Variants in PDE10A observed in about 807,000 individuals in gnomAD.
PDE10A encodes the protein phosphodiesterase 10A.
Under a neutral mutation model 97.7 loss-of-function variants are expected in PDE10A, and 39 were observed. The ratio of observed to expected loss-of-function variants is 0.40; its 90% CI spans 0.31 to 0.52. The LOEUF is 0.52. Ranked by LOEUF, PDE10A falls within the 20% of genes least tolerant of loss-of-function variation. The pLI is 0.56. For missense variants in PDE10A, 731 were observed against 1,047.8 expected, an observed-to-expected ratio of 0.70 and a Z score of 4.17; for synonymous variants, 371 against 376.8, an observed-to-expected ratio of 0.98 and a Z score of 0.18.
chr6:165,416,951 C>T (rs1461829587), intron 11 of PDE10A, among the ~76,000 whole-genome samples: 1 of 152,046 alleles, frequency 6.6e-6, no homozygotes, highest in East Asian at 1.9e-4. Context: ...AAAATATTTT[C>T]ATACTTATAT....
chr6:165,397,770 C>A (rs972611989), intron 13 of PDE10A, among the ~76,000 whole-genome samples: 130 of 146,464 alleles, frequency 8.9e-4, no homozygotes, highest in African/African-American at 3.2e-3. Context: ...CTTTATTTCA[C>A]AATTTAAAAA....
chr6:165,671,674 G>A lies in PDE10A; in HGVS notation c.-614-128106C>T, dbSNP rs1273996752. On this transcript the variant is annotated intron_variant, in intron 1 of 19. Transcript: ENST00000366882. This position sits in a 1 kb window ranked among gnomAD's most constrained non-coding sequence, Gnocchi z 4.6. Reference sequence around the variant, plus strand: ...ATTTCACACACATGGATTATAAAACGGATGAAAAGCAGCTAGATATCACAC... The same window carrying A: ...ATTTCACACACATGGATTATAAAACAGATGAAAAGCAGCTAGATATCACAC... Among the ~76,000 whole-genome samples, 4 of 151,884 alleles carry A rather than the reference G, an allele frequency of 2.6e-5. No homozygotes were observed. Among genetic ancestry groups the A allele is most frequent in the East Asian group, 1.9e-4 (1 of 5,188 alleles).
chr6:165,697,950 G>A (rs1247440589), intron 1 of PDE10A, among the ~76,000 whole-genome samples: 2 of 152,098 alleles, frequency 1.3e-5, no homozygotes, highest in Admixed American at 6.5e-5. Flanking sequence ...TTCCTGTTAC[G>A]CCGTCACTGT....
intron 1 of PDE10A, among the ~76,000 whole-genome samples, chr6:165,946,126 G>T (rs971536379): frequency 5.3e-5 from 8 of 152,170 alleles, no homozygotes; most frequent in African/African-American, 1.9e-4. Context: ...CATTGGTCAC[G>T]GGTTAGGAAG....
upstream of PDE10A, among the ~76,000 whole-genome samples, chr6:165,664,226 G>A (rs1015197768): frequency 1.3e-5 from 2 of 152,062 alleles, no homozygotes; most frequent in African/African-American, 2.4e-5. Flanking sequence ...TGGGCTCCCG[G>A]TGTGCCCCGG....
At chr6:165,870,769 A>C (rs952989544) in intron 1 of PDE10A, among the ~76,000 whole-genome samples, 1 of 152,366 alleles carries the variant, frequency 6.6e-6, no homozygotes, top group Middle Eastern at 3.4e-3. Flanking sequence ...AATATTATTC[A>C]GCCATAAAAA....
intron 1 of PDE10A, among the ~76,000 whole-genome samples, chr6:165,659,550 A>G (rs923293268): frequency 6.6e-6 from 1 of 152,206 alleles, no homozygotes; most frequent in South Asian, 2.1e-4. Context: ...CCCAAGCTTG[A>G]GTGAAGTGGG....
At chr6:165,964,596 C>T (rs1200360049) in intron 1 of PDE10A, among the ~76,000 whole-genome samples, 4 of 152,146 alleles carry the variant, frequency 2.6e-5, no homozygotes, top group Non-Finnish European at 1.5e-5. Flanking sequence ...TCATCAACAA[C>T]GGAATGCTCC....
intron 1 of PDE10A, among the ~76,000 whole-genome samples, chr6:165,828,396 G>T (rs1379164151): frequency 1.3e-5 from 2 of 152,176 alleles, no homozygotes; most frequent in African/African-American, 2.4e-5. Flanking sequence ...TTAGCTAGGG[G>T]TGTTGGGACA....
rs1790382502 is a variant in PDE10A, at chr6:165,663,187, G to C, written c.-376C>G. Among the ~76,000 whole-genome samples, 1 of 151,930 alleles carries C rather than the reference G, an allele frequency of 6.6e-6. No individual in the cohort carries two copies. The highest frequency in any genetic ancestry group is 2.1e-4 in the South Asian group (1 of 4,834). ...CTCGAAAGCAGCGGAGAAAAGCGCC[G>C]CAGTGCCGCTGCCCGTGGAGGCGGT... On this transcript the variant is annotated 5_prime_UTR_variant, in exon 1 of 22. Coordinates refer to ENST00000539869, the MANE Select transcript of PDE10A (RefSeq NM_001385079.1).
intron 1 of PDE10A, among the ~76,000 whole-genome samples, chr6:165,778,684 A>G (rs1398140797): frequency 2.6e-5 from 4 of 152,238 alleles, no homozygotes. Context: ...AATAACGGGT[A>G]AGGATTTCCA....
intron 3 of PDE10A, among the ~76,000 whole-genome samples, chr6:165,466,960 T>G (rs1184373119): frequency 6.6e-6 from 1 of 152,092 alleles, no homozygotes; most frequent in African/African-American, 2.4e-5. Flanking sequence ...TTGAAGGAAA[T>G]TAAAAGTGCT....
intron 1 of PDE10A, among the ~76,000 whole-genome samples, chr6:165,755,801 A>C (rs568741262): frequency 1.3e-5 from 2 of 152,336 alleles, no homozygotes; most frequent in East Asian, 3.9e-4. Flanking sequence ...CCACTCCCGG[A>C]GTCACACAGC....
At chr6:165,742,642 C>T (rs991419851) in intron 1 of PDE10A, among the ~76,000 whole-genome samples, 1 of 152,166 alleles carries the variant, frequency 6.6e-6, no homozygotes, top group Non-Finnish European at 1.5e-5. Context: ...ATGACTTCAG[C>T]AGATGCGACT....
chr6:165,820,283 A>T (rs1779533231), intron 1 of PDE10A, among the ~76,000 whole-genome samples: 1 of 152,248 alleles, frequency 6.6e-6, no homozygotes, highest in Non-Finnish European at 1.5e-5. Context: ...ATATTTCAAA[A>T]ATCTCCTGTA....
intron 1 of PDE10A, among the ~76,000 whole-genome samples, chr6:165,581,240 G>C (rs1785600231): frequency 6.6e-6 from 1 of 152,106 alleles, no homozygotes; most frequent in South Asian, 2.1e-4. Flanking sequence ...TGCTTTGACA[G>C]AAGAACAGTG....
chr6:165,710,177 A>G (rs1357085949), intron 1 of PDE10A, among the ~76,000 whole-genome samples: 1 of 152,168 alleles, frequency 6.6e-6, no homozygotes, highest in Non-Finnish European at 1.5e-5. Context: ...AAGCCCACGC[A>G]GCACTGACCA....
In PDE10A at chr6:165,425,910, T is replaced by C. The variant is rs1026118332; in HGVS notation, c.1653+2748A>G. On this transcript the variant is annotated intron_variant, in intron 10 of 21. Coordinates refer to ENST00000539869, the MANE Select transcript of PDE10A (RefSeq NM_001385079.1). ...TAAAAACCAATGTTGTTTCTACACA[T>C]TTGCAGTATAAAATCAAAAAATAAA... Among the ~76,000 whole-genome samples the C allele has an allele frequency of 6.8e-4, 103 of 151,792 alleles. 1 individual carries two copies. The highest frequency in any genetic ancestry group is 2.1e-3 in the African/African-American group (88 of 41,302).
chr6:165,387,230 C>T (rs1785371770), intron 17 of PDE10A, among the ~76,000 whole-genome samples: 1 of 152,170 alleles, frequency 6.6e-6, no homozygotes, highest in East Asian at 1.9e-4. Flanking sequence ...ATATCTGAAA[C>T]ACTTTTCACT....
Sources: gnomAD v4.1 joint callset for allele counts (sites outside exome capture counted in the v4.1 genomes callset) on GRCh38, gnomAD v4.1.1 for gene constraint, Gnocchi (gnomAD v3.1) non-coding constraint, MANE v1.5 for transcripts, NCBI Gene and HGNC (gene_info 2026-07-23, HGNC 2026-07-21) for gene names.